TGFBR1: variants seen among roughly 807,000 people sequenced by gnomAD.
TGFBR1 encodes the protein transforming growth factor beta receptor 1, also known as TGF-beta receptor type-1.
A neutral mutation model predicts 55.1 loss-of-function variants in TGFBR1; 20 were observed. The observed-to-expected ratio is 0.36, with a 90% CI of 0.26 to 0.53. The LOEUF is 0.53. Ranked by LOEUF, TGFBR1 falls within the 20% of genes least tolerant of loss-of-function variation. TGFBR1 has a pLI of 0.91. For missense variants in TGFBR1, 385 were observed against 617.6 expected, an observed-to-expected ratio of 0.62 and a Z score of 3.99; for synonymous variants, 220 against 214.8, an observed-to-expected ratio of 1.02 and a Z score of -0.21.
At chr9:99,134,474 CTTCCCAT>C (rs1021867789) in intron 3 of TGFBR1, among the ~76,000 whole-genome samples, 2 of 152,122 alleles carry the variant, frequency 1.3e-5, no homozygotes, top group African/African-American at 4.8e-5. Flanking sequence ...TTTCCTGGGA[CTTCCCAT>C]TTATTCTCAG....
At chr9:99,134,801 ATTATATATAT>A (rs1827370103) in intron 3 of TGFBR1, among the ~76,000 whole-genome samples, 1 of 49,008 alleles carries the variant, frequency 2.0e-5, no homozygotes, top group Non-Finnish European at 3.8e-5. Context: ...TTCTGTTTCC[ATTATATATAT>A]ATATATATAT....
At chr9:99,130,462 G>A (rs956427951) in intron 2 of TGFBR1, among the ~76,000 whole-genome samples, 5 of 152,154 alleles carry the variant, frequency 3.3e-5, no homozygotes, top group East Asian at 1.9e-4. Context: ...AGGGTTGGTC[G>A]GACTACAATA....
chr9:99,128,325 A>G (rs1052791905), intron 1 of TGFBR1, among the ~76,000 whole-genome samples: 8 of 152,146 alleles, frequency 5.3e-5, no homozygotes, highest in Admixed American at 5.2e-4. Context: ...CAAGGGGAAT[A>G]GAGAGTGTCT....
At chr9:99,140,628 T>A (rs1293831532) in intron 4 of TGFBR1, among the ~76,000 whole-genome samples, 1 of 152,232 alleles carries the variant, frequency 6.6e-6, no homozygotes, top group Non-Finnish European at 1.5e-5. Flanking sequence ...TCCTTGTTCC[T>A]TCTTACTTCT....
intron 4 of TGFBR1, among the ~76,000 whole-genome samples, chr9:99,139,158 C>T (rs938022142): frequency 6.6e-6 from 1 of 151,780 alleles, no homozygotes; most frequent in Non-Finnish European, 1.5e-5. Flanking sequence ...CTCTTGTCAT[C>T]CCTACCCCTG....
intron 1 of TGFBR1, among the ~76,000 whole-genome samples, chr9:99,128,277 C>T (rs1276238686): frequency 6.6e-6 from 1 of 152,042 alleles, no homozygotes; most frequent in Non-Finnish European, 1.5e-5. Context: ...ATGCCCCAGT[C>T]CTGGCCAGAA....
At chr9:99,129,646 C>T (rs1827156668) in intron 2 of TGFBR1, among the ~76,000 whole-genome samples, 1 of 152,150 alleles carries the variant, frequency 6.6e-6, no homozygotes, top group African/African-American at 2.4e-5. Context: ...TGCCTGTAAT[C>T]CCAGCACTTT....
Position 99,146,609 on chromosome 9 carries a change from G to A in TGFBR1, c.1255G>A (p.Gly419Arg), listed in dbSNP as rs863223827. ...WEIARRCSIG[G>R]IHEDYQLPYY... ...AATTGCTCGACGATGTTCCATTGGT[G>A]GTAAATTGCTCTCCTCTCCCCCAGT... Residue 419 changes from glycine (G) to arginine (R), a missense_variant and splice_region_variant, in exon 7 of 9, where the codon GGA (glycine) becomes AGA (arginine). Coordinates refer to ENST00000374994, the MANE Select transcript of TGFBR1 (RefSeq NM_004612.4). 6.2e-7 allele frequency: 1 copy of A among 1,613,888 alleles called. No homozygotes were observed. Among genetic ancestry groups the A allele is most frequent in the Non-Finnish European group, 8.5e-7 (1 of 1,179,846 alleles).
At chr9:99,120,285 C>G (rs1469878089) in intron 1 of TGFBR1, among the ~76,000 whole-genome samples, 1 of 152,124 alleles carries the variant, frequency 6.6e-6, no homozygotes, top group Non-Finnish European at 1.5e-5. Flanking sequence ...ACCCACTAGT[C>G]AAATTAAAAT....
At position 99,151,263 on chromosome 9, in the gene TGFBR1, T is replaced by C; in HGVS notation, c.*1958T>C. 1 of 232,018 alleles carries C rather than the reference T, an allele frequency of 4.3e-6. No individual in the cohort carries two copies. Among genetic ancestry groups the C allele is most frequent in the Non-Finnish European group, 8.5e-6 (1 of 117,264 alleles). The allele number at this position is 232,018 out of a possible 1,614,324, so 14.4% of individuals were successfully genotyped here. ...TTGACTACAAAGTTGAGTTTTTTTC[T>C]GTAGTTACCATAATTTCATTGAAGC... is the stretch of plus-strand genomic sequence containing the variant. On this transcript the variant is annotated 3_prime_UTR_variant, in exon 9 of 9. Transcript: ENST00000374994.
At chr9:99,123,952 G>A (rs1307946194) in intron 1 of TGFBR1, among the ~76,000 whole-genome samples, 2 of 152,114 alleles carry the variant, frequency 1.3e-5, no homozygotes, top group Non-Finnish European at 2.9e-5. Context: ...TGATGAAATA[G>A]GTCAGAGAGG....
At chr9:99,147,809 G>T (rs200199464) in intron 8 of TGFBR1, 25 bp downstream of exon 8, 122 of 1,613,018 alleles carry the variant, frequency 7.6e-5, no homozygotes, top group Non-Finnish European at 1.0e-4. Flanking sequence ...TTGATATTAG[G>T]CAATTTTCTA....
intron 1 of TGFBR1, among the ~76,000 whole-genome samples, chr9:99,113,808 A>G (rs1826653917): frequency 6.6e-6 from 1 of 152,218 alleles, no homozygotes; most frequent in African/African-American, 2.4e-5. Context: ...AGCTCAATGT[A>G]AGGAATGACT....
intron 1 of TGFBR1, among the ~76,000 whole-genome samples, chr9:99,127,529 C>T (rs1282483054): frequency 6.6e-6 from 1 of 152,188 alleles, no homozygotes; most frequent in Non-Finnish European, 1.5e-5. Context: ...AGCTCATCTA[C>T]CAGGAGCCAG....
intron 1 of TGFBR1, among the ~76,000 whole-genome samples, chr9:99,108,850 G>A (rs906476617): frequency 6.6e-6 from 1 of 152,180 alleles, no homozygotes; most frequent in African/African-American, 2.4e-5. Context: ...AGTGGAATGA[G>A]TGAGGGAGAA....
chr9:99,143,726 G>T (rs1827699282), intron 5 of TGFBR1, among the ~76,000 whole-genome samples: 1 of 152,152 alleles, frequency 6.6e-6, no homozygotes, highest in Non-Finnish European at 1.5e-5. Flanking sequence ...ACTCAGAGTT[G>T]TACAGCCAGC....
intron 1 of TGFBR1, among the ~76,000 whole-genome samples, chr9:99,119,462 G>A (rs534249085): frequency 5.3e-5 from 8 of 152,292 alleles, no homozygotes; most frequent in Non-Finnish European, 8.8e-5. Context: ...GGGGTTGTGG[G>A]GAGTAGGGGT....
chr9:99,117,253 A>ATTTTTTT (rs34711337), intron 1 of TGFBR1, among the ~76,000 whole-genome samples: 1 of 135,472 alleles, frequency 7.4e-6, no homozygotes. Flanking sequence ...ACGCCTGGCT[A>ATTTTTTT]TTTTTTTTTT....
intron 4 of TGFBR1, among the ~76,000 whole-genome samples, chr9:99,141,414 T>C (rs1050704318): frequency 3.9e-5 from 6 of 152,218 alleles, no homozygotes; most frequent in East Asian, 1.9e-4. Context: ...ACCTTCAAAA[T>C]AGAAGCTGTT....
Sources: gnomAD v4.1 joint callset for allele counts (sites outside exome capture counted in the v4.1 genomes callset) on GRCh38, gnomAD v4.1.1 for gene constraint, MANE v1.5 for transcripts, NCBI Gene and HGNC (gene_info 2026-07-23, HGNC 2026-07-21) for gene names.